Variants in SLC25A21 observed in about 807,000 individuals in gnomAD.
SLC25A21 encodes the protein solute carrier family 25 member 21.
SLC25A21 carries 47 observed loss-of-function variants against 43.8 expected under a neutral mutation model. That is an observed-to-expected ratio of 1.07 (90% CI 0.85 to 1.37). The LOEUF (loss-of-function observed/expected upper bound fraction) is 1.37. SLC25A21 is among the 40% of genes most tolerant of loss of function. The pLI, the probability that SLC25A21 is intolerant of heterozygous loss-of-function variation, is 0.00. For synonymous variants in SLC25A21, 131 were observed against 121.3 expected, an observed-to-expected ratio of 1.08 and a Z score of -0.52; for missense variants, 352 against 350.2, an observed-to-expected ratio of 1.00 and a Z score of -0.04.
intron 2 of SLC25A21, among the ~76,000 whole-genome samples, chr14:36,860,032 G>A (rs189799430): frequency 6.6e-6 from 1 of 151,620 alleles, no homozygotes; most frequent in Non-Finnish European, 1.5e-5. Context: ...TTGCCTTTAG[G>A]AAGCCTACAC....
chr14:37,026,395 G>A (rs115871938), intron 1 of SLC25A21, among the ~76,000 whole-genome samples: 3,403 of 152,000 alleles, frequency 0.022, 136 homozygotes, highest in African/African-American at 0.078. Flanking sequence ...CTTTCTTACT[G>A]GCAACAAAAT....
At position 37,040,359 on chromosome 14, in the gene SLC25A21, A is replaced by AAGAGAGAG. The variant is rs536517266; in HGVS notation, c.70+131914_70+131921dup. Among the ~76,000 whole-genome samples, 7 of 40,130 alleles carry AAGAGAGAG rather than the reference A, an allele frequency of 1.7e-4. 1 individual carries two copies. In the Admixed American group the frequency reaches 1.8e-3, roughly 10 times the overall value. The allele number at this position is 40,130 out of a possible 152,430, so 26.3% of individuals were successfully genotyped here. A position where few individuals can be genotyped will look rare whatever the true frequency, so the allele number is the denominator to read the frequency against. On this transcript the variant is annotated intron_variant, in intron 1 of 9. Transcript: ENST00000331299. ...AAGGAAGGAAGGAAGGAAGGAAAGA[A>AAGAGAGAG]AGAGAGAGAGAGAGAGAAAGAAAGA...
At chr14:36,908,161 T>G (rs1891585648) in intron 1 of SLC25A21, among the ~76,000 whole-genome samples, 1 of 152,200 alleles carries the variant, frequency 6.6e-6, no homozygotes, top group Admixed American at 6.5e-5. Context: ...CATGTCATTA[T>G]ACATTTGTCC....
intron 1 of SLC25A21, among the ~76,000 whole-genome samples, chr14:37,026,056 C>T (rs921355011): frequency 2.6e-5 from 4 of 152,050 alleles, no homozygotes; most frequent in Non-Finnish European, 4.4e-5. Flanking sequence ...GCAGAAGATA[C>T]TAGTCATCTC....
At chr14:36,975,334 A>G (rs1959845253) in intron 1 of SLC25A21, among the ~76,000 whole-genome samples, 2 of 152,192 alleles carry the variant, frequency 1.3e-5, no homozygotes, top group Non-Finnish European at 2.9e-5. Flanking sequence ...GAACTTACTC[A>G]TATAATCAAA....
chr14:36,686,352 C>A (rs1398031598), intron 7 of SLC25A21, among the ~76,000 whole-genome samples: 1 of 152,106 alleles, frequency 6.6e-6, no homozygotes, highest in African/African-American at 2.4e-5. Context: ...CCTCTCCCCC[C>A]ATTTTTTCTC....
chr14:36,939,759 G>A (rs898471082), intron 1 of SLC25A21, among the ~76,000 whole-genome samples: 3 of 151,898 alleles, frequency 2.0e-5, no homozygotes, highest in African/African-American at 7.3e-5. Context: ...CATTAAAAGG[G>A]GATAAAATGG....
At chr14:36,948,919 T>C (rs1033435024) in intron 1 of SLC25A21, among the ~76,000 whole-genome samples, 4 of 152,228 alleles carry the variant, frequency 2.6e-5, no homozygotes, top group Non-Finnish European at 2.9e-5. Context: ...GGATTTGTCA[T>C]ATATGGTTTG....
chr14:36,817,506 A>C (rs1888497685), intron 2 of SLC25A21, among the ~76,000 whole-genome samples: 1 of 152,156 alleles, frequency 6.6e-6, no homozygotes, highest in African/African-American at 2.4e-5. Flanking sequence ...AAAATGTTAC[A>C]GTACTCTGCT....
chr14:37,055,669 A>G (rs574256726), intron 1 of SLC25A21, among the ~76,000 whole-genome samples: 1 of 152,290 alleles, frequency 6.6e-6, no homozygotes, highest in African/African-American at 2.4e-5. Flanking sequence ...AGCTGAGCCT[A>G]GTCTTTCAAC....
At chr14:36,912,357 C>G (rs936029680) in intron 1 of SLC25A21, among the ~76,000 whole-genome samples, 1 of 152,160 alleles carries the variant, frequency 6.6e-6, no homozygotes, top group African/African-American at 2.4e-5. Context: ...TGCGGCAGAG[C>G]AGGTAAGTGG....
Position 36,679,015 on chromosome 14 carries a change from T to TAA in SLC25A21, c.*1641_*1642dup, listed in dbSNP as rs3061566. 0.5 allele frequency: 494,567 copies of TAA among 980,722 alleles called. 126,060 individuals carry two copies. Among genetic ancestry groups the TAA allele is most frequent in the Admixed American group, 0.61 (9,958 of 16,258 alleles). The allele number at this position is 980,722 out of a possible 1,614,324, so 60.8% of individuals were successfully genotyped here. A position where few individuals can be genotyped will look rare whatever the true frequency, so the allele number is the denominator to read the frequency against. ...TCATAGATGGTAAAAGTGTTGCTTT[T>TAA]AAACTGGCAAATGCACTCTTCAGAA... On this transcript the variant is annotated 3_prime_UTR_variant, in exon 10 of 10. Coordinates refer to ENST00000331299, the MANE Select transcript of SLC25A21 (RefSeq NM_030631.4).
chr14:37,163,369 G>T (rs916620168), intron 1 of SLC25A21, among the ~76,000 whole-genome samples: 2 of 151,720 alleles, frequency 1.3e-5, no homozygotes. Flanking sequence ...CATTTTTCTG[G>T]TAACCCCAGC....
chr14:36,833,874 C>CGTCT (rs1178798292), intron 2 of SLC25A21, among the ~76,000 whole-genome samples: 1 of 152,186 alleles, frequency 6.6e-6, no homozygotes, highest in Non-Finnish European at 1.5e-5. Flanking sequence ...GTCAGGTAGA[C>CGTCT]AGCAAAGCAG....
chr14:36,994,317 G>C (rs910369036), intron 1 of SLC25A21, among the ~76,000 whole-genome samples: 1 of 152,158 alleles, frequency 6.6e-6, no homozygotes, highest in Non-Finnish European at 1.5e-5. Context: ...AGGAGGACAG[G>C]ACAAAAGGTA....
chr14:36,983,536 G>A lies in SLC25A21; in HGVS notation c.71-108532C>T, dbSNP rs143120693. Among the ~76,000 whole-genome samples the A allele has an allele frequency of 1.5e-4, 23 of 152,308 alleles. No homozygotes were observed. The East Asian group carries it at 4.4e-3, about 29-fold the overall frequency. The stretch of plus-strand genomic sequence containing the variant: ...AAAAGAGAATGCTTACACAATGCTG[G>A]TGAAAATGTAAGTTAGTTCAACCCC... On this transcript the variant is annotated intron_variant, in intron 1 of 9. Coordinates refer to ENST00000331299, the MANE Select transcript of SLC25A21 (RefSeq NM_030631.4).
intron 3 of SLC25A21, among the ~76,000 whole-genome samples, chr14:36,803,589 C>T (rs1472170196): frequency 6.6e-6 from 1 of 152,140 alleles, no homozygotes; most frequent in Admixed American, 6.5e-5. Context: ...CAAAATGTAT[C>T]TAACACTTTA....
intron 1 of SLC25A21, among the ~76,000 whole-genome samples, chr14:37,112,550 C>T (rs1055406082): frequency 6.6e-6 from 1 of 152,158 alleles, no homozygotes; most frequent in Non-Finnish European, 1.5e-5. Flanking sequence ...CACATAATTG[C>T]CTATCCCCAA....
chr14:37,075,185 C>T (rs1179421356), intron 1 of SLC25A21, among the ~76,000 whole-genome samples: 1 of 152,108 alleles, frequency 6.6e-6, no homozygotes, highest in Admixed American at 6.5e-5. Context: ...TAATACCTCT[C>T]GACTTAACGT....
Sources: gnomAD v4.1 joint callset for allele counts (sites outside exome capture counted in the v4.1 genomes callset) on GRCh38, gnomAD v4.1.1 for gene constraint, MANE v1.5 for transcripts, NCBI Gene and HGNC (gene_info 2026-07-23, HGNC 2026-07-21) for gene names.